THSD4: variants seen among roughly 807,000 people sequenced by gnomAD.
THSD4 encodes thrombospondin type-1 domain-containing protein 4.
Under a neutral mutation model 119.0 loss-of-function variants are expected in THSD4, and 69 were observed. The ratio of observed to expected loss-of-function variants is 0.58; its 90% CI spans 0.48 to 0.71. The LOEUF is 0.71. Ranked by LOEUF, THSD4 falls within the 30% of genes least tolerant of loss-of-function variation. The pLI, the probability that THSD4 is intolerant of heterozygous loss-of-function variation, is 0.00. For synonymous variants in THSD4, 524 were observed against 540.4 expected (o/e 0.97, Z 0.42); for missense variants, 1,393 against 1,391.1 (o/e 1.00, Z -0.02).
chr15:71,451,061 C>G (rs932221646), intron 7 of THSD4, among the ~76,000 whole-genome samples: 1 of 152,032 alleles, frequency 6.6e-6, no homozygotes, highest in Non-Finnish European at 1.5e-5. Context: ...ACCTATAATC[C>G]CAGCTACTCA....
chr15:71,594,761 G>A lies in THSD4; in HGVS notation c.1153-65769G>A, dbSNP rs2049875873. Among the ~76,000 whole-genome samples, 4 of 152,312 alleles carry A rather than the reference G, an allele frequency of 2.6e-5. 1 individual carries two copies. In the South Asian group the frequency reaches 8.3e-4, roughly 32 times the overall value. ...TCAGTATTGTGTGATGTGCATGAGG[G>A]GAAATAAGATACAGTCTTGGTCTGG... On this transcript the variant is annotated intron_variant, in intron 7 of 17. Coordinates refer to ENST00000261862, the MANE Select transcript of THSD4 (RefSeq NM_024817.3).
intron 5 of THSD4, among the ~76,000 whole-genome samples, chr15:71,254,639 A>G: frequency 6.6e-6 from 1 of 152,224 alleles, no homozygotes; most frequent in East Asian, 1.9e-4. Context: ...GGCCTCTCCA[A>G]GTCACCCAGC....
chr15:71,570,491 C>T (rs2049329162), intron 7 of THSD4, among the ~76,000 whole-genome samples: 1 of 151,796 alleles, frequency 6.6e-6, no homozygotes, highest in Non-Finnish European at 1.5e-5. Context: ...ACTGCAACCT[C>T]TGCCTCCTGG....
intron 6 of THSD4, among the ~76,000 whole-genome samples, chr15:71,401,698 T>A (rs146692199): frequency 2.8e-3 from 421 of 152,308 alleles, no homozygotes; most frequent in African/African-American, 9.8e-3. Flanking sequence ...GTGTGGCGAT[T>A]CCTCAAGGAT....
intron 6 of THSD4, among the ~76,000 whole-genome samples, chr15:71,391,245 G>A (rs992165636): frequency 2.6e-5 from 4 of 152,174 alleles, no homozygotes; most frequent in African/African-American, 9.6e-5. Flanking sequence ...TAGCCAGGAT[G>A]GTCTTGATCT....
intron 7 of THSD4, among the ~76,000 whole-genome samples, chr15:71,449,272 C>T (rs2047231225): frequency 6.6e-6 from 1 of 152,330 alleles, no homozygotes; most frequent in South Asian, 2.1e-4. Context: ...AACACATACA[C>T]TATTATTCAG....
At chr15:71,315,375 A>G (rs2045172309) in intron 6 of THSD4, among the ~76,000 whole-genome samples, 1 of 152,228 alleles carries the variant, frequency 6.6e-6, no homozygotes, top group Non-Finnish European at 1.5e-5. Context: ...TGAGCCTTGC[A>G]TGAACTGGTT....
chr15:71,598,151 G>A (rs1337792109), intron 7 of THSD4, among the ~76,000 whole-genome samples: 5 of 152,134 alleles, frequency 3.3e-5, no homozygotes, highest in Non-Finnish European at 7.3e-5. Flanking sequence ...GTTAGGAAAG[G>A]CTTCGCCGAG....
intron 6 of THSD4, among the ~76,000 whole-genome samples, chr15:71,298,336 G>A (rs887000065): frequency 1.3e-5 from 2 of 152,082 alleles, no homozygotes; most frequent in African/African-American, 4.8e-5. Context: ...CTTCATTACT[G>A]TAGCTTTGTA....
At chr15:71,544,594 T>C (rs987901807) in intron 7 of THSD4, among the ~76,000 whole-genome samples, 1 of 152,248 alleles carries the variant, frequency 6.6e-6, no homozygotes, top group African/African-American at 2.4e-5. Context: ...GAGAACAGTT[T>C]GGTAGCTTCT....
At chr15:71,526,610 G>T (rs184369545) in intron 7 of THSD4, among the ~76,000 whole-genome samples, 1 of 152,302 alleles carries the variant, frequency 6.6e-6, no homozygotes, top group Admixed American at 6.5e-5. Flanking sequence ...CTCTTGGCAT[G>T]TTTATGGGTG....
chr15:71,240,078 A>T (rs2044139100), intron 4 of THSD4, among the ~76,000 whole-genome samples: 1 of 152,196 alleles, frequency 6.6e-6, no homozygotes. Flanking sequence ...ATGGTTCTCC[A>T]ATTTAGGCAG....
intron 7 of THSD4, among the ~76,000 whole-genome samples, chr15:71,414,281 C>T (rs1033432875): frequency 6.6e-6 from 1 of 152,218 alleles, no homozygotes; most frequent in Non-Finnish European, 1.5e-5. Context: ...CATATACCTA[C>T]ATATATACCA....
intron 10 of THSD4, chr15:71,731,481 T>C: frequency 2.2e-6 from 1 of 445,516 alleles, no homozygotes; most frequent in South Asian, 2.3e-5. Flanking sequence ...TTTGAAATGC[T>C]TTATACTAGT....
intron 6 of THSD4, among the ~76,000 whole-genome samples, chr15:71,315,050 C>T (rs1187055379): frequency 1.3e-5 from 2 of 152,154 alleles, no homozygotes; most frequent in Admixed American, 1.3e-4. Context: ...CCCCACTCCC[C>T]CAGGATGACC....
intron 7 of THSD4, among the ~76,000 whole-genome samples, chr15:71,428,746 T>C (rs1483235936): frequency 2.0e-5 from 3 of 152,312 alleles, no homozygotes; most frequent in African/African-American, 7.2e-5. Flanking sequence ...ACATCAAAAC[T>C]ACTCAGTTCC....
At position 71,782,255 on chromosome 15, in the gene THSD4, G is replaced by T. The variant is rs1211680347; in HGVS notation, c.*4881G>T. 6.7e-6 allele frequency: 1 copy of T among 150,030 alleles called. No individual in the cohort carries two copies. The highest frequency in any genetic ancestry group is 1.5e-5 in the Non-Finnish European group (1 of 67,966). The allele number at this position is 150,030 out of a possible 1,614,324, so 9.3% of individuals were successfully genotyped here. On this transcript the variant is annotated 3_prime_UTR_variant, in exon 18 of 18. Transcript: ENST00000261862. ...CATTTCAGCAGATAATGATGGAGGG[G>T]GGGGGTGTCCATCGTGCTGAGGGTG...
intron 7 of THSD4, among the ~76,000 whole-genome samples, chr15:71,478,141 A>G (rs1217450149): frequency 6.6e-6 from 1 of 152,144 alleles, no homozygotes; most frequent in African/African-American, 2.4e-5. Flanking sequence ...GCTGCGTAGG[A>G]TTAGATATTT....
intron 8 of THSD4, among the ~76,000 whole-genome samples, chr15:71,693,713 G>C (rs934734164): frequency 1.3e-5 from 2 of 152,066 alleles, no homozygotes; most frequent in African/African-American, 4.8e-5. Flanking sequence ...TCATGGAGGC[G>C]GTTTCCCCTA....
Sources: allele counts gnomAD v4.1 joint callset (sites outside exome capture counted in the v4.1 genomes callset), GRCh38; gene constraint gnomAD v4.1.1; transcripts MANE v1.5; gene names NCBI Gene and HGNC (gene_info 2026-07-23, HGNC 2026-07-21).